The following FMN1 variants were observed in gnomAD, a reference collection of about 807,000 sequenced individuals.
The protein encoded by FMN1 is formin 1, also known as formin-1.
A neutral mutation model predicts 132.4 loss-of-function variants in FMN1; 110 were observed. The observed-to-expected ratio is 0.83, with a 90% CI of 0.71 to 0.97. The LOEUF (loss-of-function observed/expected upper bound fraction) is 0.97, where lower values mean the gene tolerates loss of function less well. Ranked by LOEUF, FMN1 falls within the 50% of genes least tolerant of loss-of-function variation. The pLI is 0.00. For missense variants in FMN1, 1,792 were observed against 1,705.3 expected (o/e 1.05, Z -0.90); for synonymous variants, 722 against 651.7 (o/e 1.11, Z -1.64).
chr15:32,954,790 G>C (rs572475508), intron 9 of FMN1, among the ~76,000 whole-genome samples: 1 of 152,330 alleles, frequency 6.6e-6, no homozygotes, highest in Non-Finnish European at 1.5e-5. Flanking sequence ...CGGATCACTT[G>C]AGGTCAGTAG....
At chr15:33,117,581 C>T (rs1167198561) in intron 4 of FMN1, among the ~76,000 whole-genome samples, 1 of 152,178 alleles carries the variant, frequency 6.6e-6, no homozygotes, top group East Asian at 1.9e-4. Context: ...AATAAACTTA[C>T]GGAGTCCACT....
intron 17 of FMN1, among the ~76,000 whole-genome samples, chr15:32,852,561 C>T (rs2059032271): frequency 6.6e-6 from 1 of 152,110 alleles, no homozygotes; most frequent in Non-Finnish European, 1.5e-5. Context: ...GAGATGGGGT[C>T]TCACTTTGTT....
At chr15:32,883,325 G>A (rs2059815061) in intron 16 of FMN1, among the ~76,000 whole-genome samples, 1 of 151,904 alleles carries the variant, frequency 6.6e-6, no homozygotes, top group African/African-American at 2.4e-5. Context: ...GCAACACAGT[G>A]AGACCCTGTC....
At chr15:32,796,840 C>T (rs192067331) in intron 19 of FMN1, among the ~76,000 whole-genome samples, 1 of 152,296 alleles carries the variant, frequency 6.6e-6, no homozygotes. Flanking sequence ...CATGCTGCTG[C>T]CTCCAGAAAT....
At chr15:33,082,146 GCT>G (rs2038504856) in intron 5 of FMN1, among the ~76,000 whole-genome samples, 1 of 136,150 alleles carries the variant, frequency 7.3e-6, no homozygotes, top group African/African-American at 2.8e-5. Flanking sequence ...ACAGAGTCTC[GCT>G]CTGTCACCTC....
chr15:33,010,056 G>T (rs747152164), intron 6 of FMN1, among the ~76,000 whole-genome samples: 2 of 152,092 alleles, frequency 1.3e-5, no homozygotes, highest in Non-Finnish European at 2.9e-5. Context: ...GCTAATTTTT[G>T]TATTTTTAGT....
chr15:33,150,519 C>G, intron 4 of FMN1: 1 of 985,392 alleles, frequency 1.0e-6, no homozygotes, highest in South Asian at 4.7e-5. Context: ...AATTACAAAC[C>G]CAACAGAAGG....
intron 7 of FMN1, among the ~76,000 whole-genome samples, chr15:32,991,942 A>G (rs2033460138): frequency 6.6e-6 from 1 of 152,192 alleles, no homozygotes. Flanking sequence ...ATTAAAATGA[A>G]AAGTTTAAAC....
chr15:33,012,225 G>C (rs537493367), intron 6 of FMN1: 29 of 666,750 alleles, frequency 4.3e-5, no homozygotes, highest in Middle Eastern at 4.2e-4. Context: ...ATCATTTTGA[G>C]CAATGGGGAA....
chr15:32,911,194 A>G (rs2060553070), intron 10 of FMN1, among the ~76,000 whole-genome samples: 1 of 152,206 alleles, frequency 6.6e-6, no homozygotes, highest in African/African-American at 2.4e-5. Flanking sequence ...TATGCTTATG[A>G]TTTCATCTAG....
At chr15:33,105,220 C>G (rs2039439669) in intron 4 of FMN1, among the ~76,000 whole-genome samples, 1 of 152,096 alleles carries the variant, frequency 6.6e-6, no homozygotes, top group South Asian at 2.1e-4. Flanking sequence ...TATGTCCCCA[C>G]TGGTCAGAAC....
chr15:32,832,982 T>G (rs2058538146), intron 17 of FMN1, among the ~76,000 whole-genome samples: 1 of 152,142 alleles, frequency 6.6e-6, no homozygotes, highest in Admixed American at 6.5e-5. Flanking sequence ...AGGGACAGAC[T>G]TTTTTGCCGC....
intron 7 of FMN1, among the ~76,000 whole-genome samples, chr15:32,998,133 G>A (rs1006725975): frequency 1.3e-5 from 2 of 152,172 alleles, no homozygotes; most frequent in African/African-American, 2.4e-5. Flanking sequence ...ATTATTCAAA[G>A]GAAGTTTTTA....
intron 15 of FMN1, among the ~76,000 whole-genome samples, chr15:32,894,952 A>T (rs571024946): frequency 6.6e-6 from 1 of 152,302 alleles, no homozygotes; most frequent in African/African-American, 2.4e-5. Context: ...TTCTAATACC[A>T]CTATATTCTC....
intron 19 of FMN1, among the ~76,000 whole-genome samples, chr15:32,783,743 TCAAAAAA>T (rs2056750998): frequency 3.1e-5 from 1 of 32,492 alleles, no homozygotes; most frequent in Non-Finnish European, 5.0e-5. Context: ...AGACTCTGTT[TCAAAAAA>T]AAAAAAAAAA....
intron 6 of FMN1, among the ~76,000 whole-genome samples, chr15:33,028,687 C>T (rs2035795501): frequency 6.6e-6 from 1 of 152,102 alleles, no homozygotes; most frequent in African/African-American, 2.4e-5. Flanking sequence ...TAGAAATGTT[C>T]GGTTTCATCT....
chr15:32,787,866 C>T (rs549066331), intron 19 of FMN1, among the ~76,000 whole-genome samples: 120 of 152,234 alleles, frequency 7.9e-4, no homozygotes, highest in African/African-American at 2.8e-3. Context: ...AAAGTTATTC[C>T]ATGATAAATT....
chr15:33,027,088 C>A (rs1208725085), intron 6 of FMN1, among the ~76,000 whole-genome samples: 1 of 151,186 alleles, frequency 6.6e-6, no homozygotes, highest in Non-Finnish European at 1.5e-5. Context: ...TTTTTTAATG[C>A]AAAAGTTTGG....
chr15:33,127,332 T>A (rs1031776682), intron 4 of FMN1, among the ~76,000 whole-genome samples: 1 of 151,602 alleles, frequency 6.6e-6, no homozygotes, highest in Non-Finnish European at 1.5e-5. Flanking sequence ...ACATTCAACC[T>A]GGACCCTAAA....
Sources: gnomAD v4.1 joint callset for allele counts (sites outside exome capture counted in the v4.1 genomes callset) on GRCh38, gnomAD v4.1.1 for gene constraint, MANE v1.5 for transcripts, NCBI Gene and HGNC (gene_info 2026-07-23, HGNC 2026-07-21) for gene names.